The following NELL1 variants were observed in gnomAD, a reference collection of about 807,000 sequenced individuals.
NELL1 encodes protein kinase C-binding protein NELL1.
NELL1 carries 76 observed loss-of-function variants against 107.4 expected under a neutral mutation model. That is an observed-to-expected ratio of 0.71 (90% CI 0.59 to 0.86). The LOEUF is 0.86. NELL1 is among the 40% of genes least tolerant of loss of function. The pLI, the probability that NELL1 is intolerant of heterozygous loss-of-function variation, is 0.00. For synonymous variants in NELL1, 353 were observed against 341.2 expected, an observed-to-expected ratio of 1.03 and a Z score of -0.38; for missense variants, 1,024 against 1,005.5, an observed-to-expected ratio of 1.02 and a Z score of -0.25.
At chr11:21,398,990 C>T (rs763824107) in intron 15 of NELL1, among the ~76,000 whole-genome samples, 27 of 151,252 alleles carry the variant, frequency 1.8e-4, no homozygotes, top group Non-Finnish European at 3.5e-4. Context: ...ATGGTTGTTA[C>T]AATATTCAGA....
At chr11:21,006,249 G>C (rs1852325491) in intron 12 of NELL1, among the ~76,000 whole-genome samples, 1 of 151,922 alleles carries the variant, frequency 6.6e-6, no homozygotes, top group Non-Finnish European at 1.5e-5. Flanking sequence ...TTAGGATGGG[G>C]GATCCCATGA....
intron 14 of NELL1, among the ~76,000 whole-genome samples, chr11:21,268,464 A>G (rs982060908): frequency 2.0e-5 from 3 of 152,194 alleles, no homozygotes; most frequent in African/African-American, 7.2e-5. Flanking sequence ...AGCCTACCCA[A>G]TCTAGGGGAA....
chr11:21,253,163 C>A (rs1202369690), intron 14 of NELL1, among the ~76,000 whole-genome samples: 1 of 151,892 alleles, frequency 6.6e-6, no homozygotes, highest in African/African-American at 2.4e-5. Flanking sequence ...GGTCAGGATG[C>A]CCTGGGGGAA....
chr11:21,102,632 T>G (rs1313092098), intron 12 of NELL1, among the ~76,000 whole-genome samples: 5 of 152,216 alleles, frequency 3.3e-5, no homozygotes, highest in Non-Finnish European at 7.3e-5. Flanking sequence ...TATACAAATG[T>G]TACCTGTTGT....
At chr11:21,447,427 A>G (rs538696201) in intron 15 of NELL1, among the ~76,000 whole-genome samples, 31 of 152,268 alleles carry the variant, frequency 2.0e-4, no homozygotes, top group African/African-American at 7.0e-4. Context: ...CAAGGCCCAT[A>G]GCATGTACTA....
intron 15 of NELL1, among the ~76,000 whole-genome samples, chr11:21,372,245 A>G (rs1312333054): frequency 6.6e-6 from 1 of 152,020 alleles, no homozygotes; most frequent in Non-Finnish European, 1.5e-5. Flanking sequence ...GTCTTTACTG[A>G]ACTACATTTA....
chr11:21,427,713 C>G (rs1288731102), intron 15 of NELL1, among the ~76,000 whole-genome samples: 3 of 152,146 alleles, frequency 2.0e-5, no homozygotes, highest in African/African-American at 7.2e-5. Flanking sequence ...TCCACACACA[C>G]AAACATACAC....
At chr11:21,040,494 A>G (rs1590572717) in intron 12 of NELL1, among the ~76,000 whole-genome samples, 1 of 152,082 alleles carries the variant, frequency 6.6e-6, no homozygotes, top group Non-Finnish European at 1.5e-5. Flanking sequence ...TCCTGCCTCT[A>G]TCATCTTGTG....
chr11:21,144,536 G>A (rs1855935351), intron 13 of NELL1, among the ~76,000 whole-genome samples: 1 of 152,124 alleles, frequency 6.6e-6, no homozygotes, highest in East Asian at 1.9e-4. Flanking sequence ...GGTTTTGTTA[G>A]CAGGAGCACC....
intron 15 of NELL1, among the ~76,000 whole-genome samples, chr11:21,464,030 C>A (rs1853965558): frequency 6.6e-6 from 1 of 151,994 alleles, no homozygotes; most frequent in Admixed American, 6.6e-5. Context: ...AGCATGGTCG[C>A]CTAAGGGTAT....
At chr11:21,435,837 A>C (rs559916874) in intron 15 of NELL1, among the ~76,000 whole-genome samples, 12 of 151,352 alleles carry the variant, frequency 7.9e-5, no homozygotes, top group Admixed American at 2.6e-4. Context: ...ATGTTGGTAT[A>C]ATGGTAATGC....
chr11:20,871,889 G>A (rs1028356833), intron 4 of NELL1, among the ~76,000 whole-genome samples: 67 of 151,822 alleles, frequency 4.4e-4, no homozygotes, highest in African/African-American at 1.6e-3. Flanking sequence ...CGTGGTGGCA[G>A]GTGCCTGTAG....
At chr11:21,195,454 C>T (rs1405027213) in intron 13 of NELL1, among the ~76,000 whole-genome samples, 2 of 151,662 alleles carry the variant, frequency 1.3e-5, no homozygotes, top group African/African-American at 2.4e-5. Context: ...AGAGATATTC[C>T]TATTCTTTCA....
intron 15 of NELL1, among the ~76,000 whole-genome samples, chr11:21,397,584 CAT>C (rs1852010218): frequency 6.6e-6 from 1 of 151,554 alleles, no homozygotes; most frequent in Admixed American, 6.6e-5. Context: ...ATATCACAAA[CAT>C]GTATCTATAT....
At chr11:20,687,831 G>C (rs976754352) in intron 2 of NELL1, among the ~76,000 whole-genome samples, 2 of 152,026 alleles carry the variant, frequency 1.3e-5, no homozygotes, top group African/African-American at 4.8e-5. Flanking sequence ...GACCTCAACT[G>C]ATCTGTCCAC....
intron 14 of NELL1, among the ~76,000 whole-genome samples, chr11:21,301,912 G>T (rs1490189679): frequency 6.6e-6 from 1 of 152,026 alleles, no homozygotes; most frequent in Non-Finnish European, 1.5e-5. Flanking sequence ...TAAGGCAGGT[G>T]TCATTATTTA....
At chr11:20,939,664 A>G (rs1397564795) in intron 10 of NELL1, among the ~76,000 whole-genome samples, 1 of 152,168 alleles carries the variant, frequency 6.6e-6, no homozygotes, top group African/African-American at 2.4e-5. Context: ...ACAGCATGCA[A>G]TGGAGAAAAA....
intron 3 of NELL1, among the ~76,000 whole-genome samples, chr11:20,813,661 A>G (rs904839722): frequency 1.3e-5 from 2 of 152,198 alleles, no homozygotes; most frequent in Non-Finnish European, 2.9e-5. Flanking sequence ...CCAGCATTCA[A>G]AACATGATTA....
At chr11:20,680,982 T>C (rs987871691) in intron 2 of NELL1, among the ~76,000 whole-genome samples, 30 of 152,134 alleles carry the variant, frequency 2.0e-4, no homozygotes, top group African/African-American at 6.5e-4. Flanking sequence ...TCCTGACTAC[T>C]ACTGAGATGG....
Sources: gnomAD v4.1 joint callset for allele counts (sites outside exome capture counted in the v4.1 genomes callset) on GRCh38, gnomAD v4.1.1 for gene constraint, MANE v1.5 for transcripts, NCBI Gene and HGNC (gene_info 2026-07-23, HGNC 2026-07-21) for gene names.